SCN8A: variants seen among roughly 807,000 people sequenced by gnomAD.
The protein encoded by SCN8A is sodium channel protein type 8 subunit alpha.
A neutral mutation model predicts 184.1 loss-of-function variants in SCN8A; 30 were observed. That is an observed-to-expected ratio of 0.16 (90% CI 0.12 to 0.22). The LOEUF is 0.22. Among genes scored for constraint, SCN8A ranks in the 10% least tolerant of loss-of-function variants. The pLI, the probability that SCN8A is intolerant of heterozygous loss-of-function variation, is 1.00. For missense variants in SCN8A, 1,057 were observed against 2,498.9 expected, an observed-to-expected ratio of 0.42 and a Z score of 12.30; for synonymous variants, 852 against 907.0, an observed-to-expected ratio of 0.94 and a Z score of 1.09.
Position 51,760,677 on chromosome 12 carries a change from T to A in SCN8A, c.2371-1826T>A, listed in dbSNP as rs150020369. ...AGGATTTGATGAGCTGTCTGTACTTTCCCTGAACTCACTCAGAGGGATGTT... is the reference window on the plus strand; with the variant it reads ...AGGATTTGATGAGCTGTCTGTACTTACCCTGAACTCACTCAGAGGGATGTT... On this transcript the variant is annotated intron_variant, in intron 14 of 26. Transcript: ENST00000627620. Among the ~76,000 whole-genome samples the A allele has an allele frequency of 5.4e-3, 828 of 152,350 alleles. 5 individuals carry two copies. Among genetic ancestry groups the A allele is most frequent in the African/African-American group, 0.019 (791 of 41,566 alleles).
At chr12:51,621,232 T>A (rs961907779) in intron 1 of SCN8A, among the ~76,000 whole-genome samples, 2 of 152,258 alleles carry the variant, frequency 1.3e-5, no homozygotes, top group Non-Finnish European at 2.9e-5. Context: ...TGGCCATCTC[T>A]GCTTAGTATA....
intron 25 of SCN8A, 134 bp from the exon 26 acceptor site, chr12:51,794,237 A>G: frequency 1.3e-6 from 1 of 781,716 alleles, no homozygotes; most frequent in Non-Finnish European, 2.1e-6. Flanking sequence ...CATGCTCCTG[A>G]TAGAGCAGCA....
chr12:51,728,709 A>T (rs1428227629), intron 12 of SCN8A, among the ~76,000 whole-genome samples: 5 of 147,912 alleles, frequency 3.4e-5, no homozygotes, highest in Non-Finnish European at 6.0e-5. Context: ...CAGCCTGGGC[A>T]ACAGAGGAAG....
intron 6 of SCN8A, among the ~76,000 whole-genome samples, chr12:51,694,771 G>T (rs1326855645): frequency 6.6e-6 from 1 of 152,178 alleles, no homozygotes; most frequent in African/African-American, 2.4e-5. Flanking sequence ...CTACATTCTG[G>T]CTTGTGTCAG....
intron 1 of SCN8A, among the ~76,000 whole-genome samples, chr12:51,600,991 AT>A (rs1331484151): frequency 6.6e-6 from 1 of 152,194 alleles, no homozygotes; most frequent in Non-Finnish European, 1.5e-5. Context: ...TTAGCACTCT[AT>A]TTAGGGTATT....
At chr12:51,693,991 G>A (rs755756257) in intron 6 of SCN8A, among the ~76,000 whole-genome samples, 6 of 152,118 alleles carry the variant, frequency 3.9e-5, no homozygotes, top group Admixed American at 6.5e-5. Context: ...GGAGTGCAAC[G>A]GCCTGATCTC....
chr12:51,717,870 A>G (rs1941991256), intron 11 of SCN8A, among the ~76,000 whole-genome samples: 1 of 152,240 alleles, frequency 6.6e-6, no homozygotes, highest in South Asian at 2.1e-4. Flanking sequence ...ACATTTATAT[A>G]TAATTATCTA....
intron 13 of SCN8A, among the ~76,000 whole-genome samples, chr12:51,749,851 T>C (rs1942570027): frequency 6.6e-6 from 1 of 152,094 alleles, no homozygotes; most frequent in Non-Finnish European, 1.5e-5. Context: ...TTTGATAGTG[T>C]CAGCAGAATT....
At chr12:51,608,726 A>AT (rs1272805575) in intron 1 of SCN8A, among the ~76,000 whole-genome samples, 1 of 151,784 alleles carries the variant, frequency 6.6e-6, no homozygotes, top group Admixed American at 6.6e-5. Flanking sequence ...TTTTGTTTCA[A>AT]TTTCATTTAG....
chr12:51,706,964 A>G (rs1049893328), intron 11 of SCN8A, among the ~76,000 whole-genome samples: 2 of 152,128 alleles, frequency 1.3e-5, no homozygotes, highest in Non-Finnish European at 2.9e-5. Flanking sequence ...AGAACATGCT[A>G]CATTTGTCTT....
chr12:51,722,119 T>C (rs1942079185), intron 12 of SCN8A: 2 of 708,674 alleles, frequency 2.8e-6, no homozygotes, highest in South Asian at 3.8e-5. Context: ...GTTTTCCCCC[T>C]ATTACTCACC....
chr12:51,624,371 A>T (rs1940029571), intron 1 of SCN8A, among the ~76,000 whole-genome samples: 1 of 152,192 alleles, frequency 6.6e-6, no homozygotes, highest in South Asian at 2.1e-4. Context: ...AGTGATGATG[A>T]GCATTTTTTC....
intron 17 of SCN8A, 133 bp from the exon 18 acceptor site, chr12:51,769,735 A>C: frequency 1.0e-5 from 7 of 669,418 alleles, no homozygotes; most frequent in African/African-American, 1.8e-5. Flanking sequence ...TGGTTTGCTT[A>C]TCGCGAGTTG....
chr12:51,627,769 A>G (rs866008097), intron 1 of SCN8A, among the ~76,000 whole-genome samples: 121 of 152,320 alleles, frequency 7.9e-4, no homozygotes, highest in African/African-American at 2.8e-3. Context: ...AGTATTAATA[A>G]TTTATAGCTA....
intron 1 of SCN8A, among the ~76,000 whole-genome samples, chr12:51,614,938 T>A (rs1264258940): frequency 1.3e-5 from 2 of 152,124 alleles, no homozygotes; most frequent in African/African-American, 2.4e-5. Context: ...TGTTCAATGT[T>A]GTACAGGAGA....
chr12:51,783,799 T>C (rs1937995999), intron 21 of SCN8A, among the ~76,000 whole-genome samples: 1 of 152,234 alleles, frequency 6.6e-6, no homozygotes. Context: ...GCAACAATAA[T>C]GTCCGAGACA....
chr12:51,661,448 C>T (rs1314447715), intron 1 of SCN8A, among the ~76,000 whole-genome samples: 1 of 152,186 alleles, frequency 6.6e-6, no homozygotes, highest in African/African-American at 2.4e-5. Flanking sequence ...ATCACCACTG[C>T]TCCAGAGATC....
chr12:51,796,574 A>C (rs561875680), intron 26 of SCN8A, among the ~76,000 whole-genome samples: 1 of 152,378 alleles, frequency 6.6e-6, no homozygotes, highest in East Asian at 1.9e-4. Context: ...GTAGAGGGAC[A>C]AAACTAATAG....
At chr12:51,666,356 T>G (rs1382256139) in intron 2 of SCN8A, among the ~76,000 whole-genome samples, 1 of 152,208 alleles carries the variant, frequency 6.6e-6, no homozygotes, top group Non-Finnish European at 1.5e-5. Context: ...TTGCACCCGC[T>G]GTTATACAAA....
Sources: allele counts gnomAD v4.1 joint callset (sites outside exome capture counted in the v4.1 genomes callset), GRCh38; gene constraint gnomAD v4.1.1; transcripts MANE v1.5; gene names NCBI Gene and HGNC (gene_info 2026-07-23, HGNC 2026-07-21).